The following DENND2B variants were observed in gnomAD, a reference collection of about 807,000 sequenced individuals.
DENND2B encodes the protein DENN domain-containing protein 2B.
In DENND2B, 32 loss-of-function variants were observed where a neutral mutation model predicts 116.0. That is an observed-to-expected ratio of 0.28 (90% CI 0.21 to 0.37). The LOEUF (loss-of-function observed/expected upper bound fraction) is 0.37, where lower values mean the gene tolerates loss of function less well. DENND2B is among the 10% of genes least tolerant of loss of function. DENND2B has a pLI of 1.00. For synonymous variants in DENND2B, 588 were observed against 583.9 expected (o/e 1.01, Z -0.10); for missense variants, 1,276 against 1,477.7 (o/e 0.86, Z 2.24).
intron 1 of DENND2B, among the ~76,000 whole-genome samples, chr11:8,775,023 G>A (rs985976351): frequency 2.0e-5 from 3 of 151,984 alleles, no homozygotes; most frequent in African/African-American, 7.3e-5. Context: ...CGGGATTACA[G>A]GGGCCCACCA....
At chr11:8,870,324 T>C (rs560401076) in intron 2 of DENND2B, among the ~76,000 whole-genome samples, 35 of 152,326 alleles carry the variant, frequency 2.3e-4, no homozygotes, top group African/African-American at 7.9e-4. Context: ...AGTTACTAAA[T>C]TATTGGATAA....
intron 1 of DENND2B, among the ~76,000 whole-genome samples, chr11:8,772,791 T>G (rs1353483624): frequency 6.6e-6 from 1 of 152,094 alleles, no homozygotes; most frequent in African/African-American, 2.4e-5. Flanking sequence ...CCAAACTGCC[T>G]GGGGGTGGCA....
chr11:8,899,906 T>C (rs1594358011), intron 1 of DENND2B, among the ~76,000 whole-genome samples: 2 of 152,314 alleles, frequency 1.3e-5, no homozygotes, highest in East Asian at 3.9e-4. Flanking sequence ...CTGTAACATA[T>C]ATGAATGTAA....
At chr11:8,888,832 A>G (rs1038076121) in intron 1 of DENND2B, among the ~76,000 whole-genome samples, 2 of 152,248 alleles carry the variant, frequency 1.3e-5, no homozygotes, top group Non-Finnish European at 2.9e-5. Flanking sequence ...AACATCACTA[A>G]TCATTACGGA....
chr11:8,838,901 A>G (rs1436960412), intron 4 of DENND2B, among the ~76,000 whole-genome samples: 1 of 152,224 alleles, frequency 6.6e-6, no homozygotes, highest in African/African-American at 2.4e-5. Context: ...AAAATCTCAG[A>G]GCAACATAGA....
intron 1 of DENND2B, among the ~76,000 whole-genome samples, chr11:8,802,576 C>A (rs1365174122): frequency 6.6e-6 from 1 of 152,186 alleles, no homozygotes; most frequent in South Asian, 2.1e-4. Flanking sequence ...AGAGCCCAGG[C>A]TCTAAACATT....
chr11:8,833,923 T>C (rs1036046450), intron 4 of DENND2B, among the ~76,000 whole-genome samples: 7 of 152,194 alleles, frequency 4.6e-5, no homozygotes, highest in Non-Finnish European at 5.9e-5. Flanking sequence ...AAAAGTTGGC[T>C]ACTTAGAGCC....
chr11:8,884,812 T>C (rs2063943386), intron 1 of DENND2B, among the ~76,000 whole-genome samples: 1 of 152,204 alleles, frequency 6.6e-6, no homozygotes, highest in Non-Finnish European at 1.5e-5. Flanking sequence ...TGACTTCTGA[T>C]TCTCTTAAAC....
chr11:8,859,363 A>C (rs1416008935), intron 2 of DENND2B, among the ~76,000 whole-genome samples: 1 of 151,934 alleles, frequency 6.6e-6, no homozygotes, highest in African/African-American at 2.4e-5. Context: ...GCTGGAGTGC[A>C]GTGGCGCGAT....
intron 2 of DENND2B, among the ~76,000 whole-genome samples, chr11:8,864,600 T>C (rs1293563380): frequency 6.6e-6 from 1 of 152,156 alleles, no homozygotes; most frequent in African/African-American, 2.4e-5. Context: ...CATCCACTCA[T>C]TGATTCATCA....
rs758384118 is a variant in DENND2B, at chr11:8,727,076, G to A, written c.1341-867C>T. Among the ~76,000 whole-genome samples, 11 of 152,218 alleles carry A rather than the reference G, an allele frequency of 7.2e-5. No individual in the cohort carries two copies. The East Asian group carries it at 1.2e-3, about 16-fold the overall frequency. ...AGCACTCTCTGCCCCTCTCCTTCATGAGAGAGGTACGTCCCTCATCTGAGA... is the reference window on the plus strand; with the variant it reads ...AGCACTCTCTGCCCCTCTCCTTCATAAGAGAGGTACGTCCCTCATCTGAGA... On this transcript the variant is annotated intron_variant, in intron 3 of 19. Transcript: ENST00000313726.
At chr11:8,696,204 G>A (rs999839175) in intron 18 of DENND2B, among the ~76,000 whole-genome samples, 1 of 152,216 alleles carries the variant, frequency 6.6e-6, no homozygotes, top group African/African-American at 2.4e-5. Context: ...AGGTGGAGAT[G>A]AGTCCTACCT....
At chr11:8,700,813 A>C (rs1023337608) in intron 14 of DENND2B, among the ~76,000 whole-genome samples, 2 of 152,060 alleles carry the variant, frequency 1.3e-5, no homozygotes, top group African/African-American at 4.8e-5. Context: ...TTTTTTAAAA[A>C]AATTTTTAAA....
chr11:8,746,488 G>A (rs2051275035), intron 2 of DENND2B, among the ~76,000 whole-genome samples: 1 of 152,092 alleles, frequency 6.6e-6, no homozygotes, highest in African/African-American at 2.4e-5. Flanking sequence ...TTCCAGCTGA[G>A]TAGGGGAAAT....
Position 8,712,533 on chromosome 11 carries a change from G to A in DENND2B, c.2172+18C>T. 6.5e-7 allele frequency: 1 copy of A among 1,547,778 alleles called. No individual in the cohort carries two copies. Among genetic ancestry groups the A allele is most frequent in the Non-Finnish European group, 8.7e-7 (1 of 1,144,040 alleles). ...AAGAGGGGGAATATGGGCAAGGTGG[G>A]GAGAGAGAAGGCCTCACCTTGGGAA... On this transcript the variant is annotated intron_variant, in intron 9 of 19. Transcript: ENST00000313726. The surrounding 1 kb of genome is among the most constrained non-coding windows in gnomAD (Gnocchi z 4.4).
chr11:8,700,598 G>A (rs1434744913), intron 14 of DENND2B, among the ~76,000 whole-genome samples: 3 of 152,132 alleles, frequency 2.0e-5, no homozygotes, highest in Non-Finnish European at 4.4e-5. Flanking sequence ...AAACCAGAAC[G>A]GGGATTTTCC....
intron 4 of DENND2B, among the ~76,000 whole-genome samples, chr11:8,815,714 T>A (rs375567903): frequency 1.2e-4 from 19 of 152,394 alleles, no homozygotes; most frequent in Middle Eastern, 6.8e-3. Flanking sequence ...ATGCCTTTAC[T>A]ATAGCGTTGA....
intron 1 of DENND2B, among the ~76,000 whole-genome samples, chr11:8,762,033 G>C (rs1012056726): frequency 6.6e-6 from 1 of 152,030 alleles, no homozygotes; most frequent in African/African-American, 2.4e-5. Context: ...AGCTGCCTCT[G>C]CTTCCGATTC....
chr11:8,790,962 G>A (rs1003874875), intron 1 of DENND2B, among the ~76,000 whole-genome samples: 6 of 152,144 alleles, frequency 3.9e-5, no homozygotes, highest in Admixed American at 2.6e-4. Flanking sequence ...GGTGGGACCT[G>A]ACTAGCTTAG....
Sources: allele counts gnomAD v4.1 joint callset (sites outside exome capture counted in the v4.1 genomes callset), GRCh38; gene constraint gnomAD v4.1.1; non-coding constraint Gnocchi (gnomAD v3.1); transcripts MANE v1.5; gene names NCBI Gene and HGNC (gene_info 2026-07-23, HGNC 2026-07-21).